The following C2CD3 variants were observed in gnomAD, a reference collection of about 807,000 sequenced individuals.
C2CD3 encodes C2 domain containing 3 centriole elongation regulator, also known as C2 domain-containing protein 3.
In C2CD3, 148 loss-of-function variants were observed where a neutral mutation model predicts 234.0. The ratio of observed to expected loss-of-function variants is 0.63; its 90% CI spans 0.55 to 0.72. The LOEUF (loss-of-function observed/expected upper bound fraction) is 0.72. Ranked by LOEUF, C2CD3 falls within the 30% of genes least tolerant of loss-of-function variation. The pLI, the probability that C2CD3 is intolerant of heterozygous loss-of-function variation, is 0.00. For synonymous variants in C2CD3, 1,000 were observed against 1,035.4 expected (o/e 0.97, Z 0.66); for missense variants, 2,577 against 2,811.5 (o/e 0.92, Z 1.89).
rs778658947 is a variant in C2CD3 at position 74,133,522 on chromosome 11, T to C, written c.991A>G (p.Met331Val). 1 of 1,614,068 alleles carries C rather than the reference T, an allele frequency of 6.2e-7. No individual in the cohort carries two copies. Among genetic ancestry groups the C allele is most frequent in the Non-Finnish European group, 8.5e-7 (1 of 1,179,942 alleles). The change falls in exon 6 of 33, where the codon ATG (methionine) becomes GTG (valine). Residue 331 changes from methionine (M) to valine (V), a missense_variant. Transcript: ENST00000334126. ...LEQGNKLRNAMVISAMKSSPE... is the reference protein window; with the variant it reads ...LEQGNKLRNAVVISAMKSSPE... ...CTTGATTTCATTGCAGAAATCACCA[T>C]GGCATTACGCAGTTTATTGCCTTGT...
intron 3 of C2CD3, among the ~76,000 whole-genome samples, chr11:74,153,228 A>AACAAG (rs1286435459): frequency 0.012 from 1,794 of 151,926 alleles, 38 homozygotes; most frequent in African/African-American, 0.041. Context: ...AACAAAACAA[A>AACAAG]ACAAAACAAA....
chr11:74,161,580 G>C (rs1856473560), intron 2 of C2CD3, 24 bp from the exon 3 acceptor site: 1 of 1,495,768 alleles, frequency 6.7e-7, no homozygotes, highest in Non-Finnish European at 9.0e-7. Context: ...ATTACAACAT[G>C]GATATTTTTC....
chr11:74,117,089 T>TATATATATATGA (rs1957015977), intron 9 of C2CD3, among the ~76,000 whole-genome samples: 3 of 30,168 alleles, frequency 9.9e-5, no homozygotes, highest in Non-Finnish European at 1.8e-4. Context: ...TATATATGAA[T>TATATATATATGA]ATATATATAT....
rs573145885 is a variant in C2CD3, at chr11:74,139,786, A to C, written c.526T>G (p.Tyr176Asp). The change falls in exon 4 of 33, where the codon TAC becomes GAC. Residue 176 changes from tyrosine to aspartate, a missense_variant. Transcript: ENST00000334126. ...LEPLSETYDSYHPLPTTDMTE... is the reference protein window; with the variant it reads ...LEPLSETYDSDHPLPTTDMTE... Reference sequence around the variant, plus strand: ...ATGTCAGTGGTAGGAAGTGGATGGTAGCTGTCGTAAGTTTCTGACAGAGGT... The same window carrying C: ...ATGTCAGTGGTAGGAAGTGGATGGTCGCTGTCGTAAGTTTCTGACAGAGGT... 1 of 1,613,716 alleles carries C rather than the reference A, an allele frequency of 6.2e-7. No individual in the cohort carries two copies. The highest frequency in any genetic ancestry group is 1.3e-5 in the African/African-American group (1 of 75,042).
Position 74,114,401 on chromosome 11 carries a change from C to T in C2CD3, c.1713G>A (p.Val571=). The change falls in exon 10 of 33, where the codon GTG becomes GTA. Residue 571 remains valine (V), a synonymous_variant. Transcript: ENST00000334126. The part of the protein sequence containing the change: ...KKSYAGPPPK[V]TTAKKRTFFV... Reference sequence around the variant, plus strand: ...AGACATACCGCTTTTTTGCTGTAGTCACCTTAGGTGGTGGACCAGCATAGC... The same window carrying T: ...AGACATACCGCTTTTTTGCTGTAGTTACCTTAGGTGGTGGACCAGCATAGC... 1 of 1,613,706 alleles carries T rather than the reference C, an allele frequency of 6.2e-7. No individual in the cohort carries two copies. The highest frequency in any genetic ancestry group is 8.5e-7 in the Non-Finnish European group (1 of 1,179,762).
intron 24 of C2CD3, among the ~76,000 whole-genome samples, chr11:74,069,700 T>G (rs943116406): frequency 6.6e-6 from 1 of 152,192 alleles, no homozygotes; most frequent in Non-Finnish European, 1.5e-5. Context: ...TACTTTAGAT[T>G]TTTTTCCATT....
Position 74,078,626 on chromosome 11 carries a change from C to A in C2CD3, c.4092G>T (p.Glu1364Asp). The change falls in exon 23 of 33, where the codon GAG (glutamate) becomes GAT (aspartate). Residue 1364 changes from glutamate to aspartate, a missense_variant. Glu to Asp is a conservative substitution (Grantham distance 45). Coordinates refer to ENST00000334126, the MANE Select transcript of C2CD3 (RefSeq NM_001286577.2). ...CACGATGCGTGAAGGAAATCGAAAG[C>A]TCCAGACCACCCACGATCTTCTGCA... ...ELMQKIVGGL[E>D]LSISFTHRGD... 1 of 1,614,222 alleles carries A rather than the reference C, an allele frequency of 6.2e-7. No individual in the cohort carries two copies. The highest frequency in any genetic ancestry group is 1.1e-5 in the South Asian group (1 of 91,084).
At chr11:74,153,743 A>G (rs1158093871) in intron 3 of C2CD3, among the ~76,000 whole-genome samples, 1 of 152,206 alleles carries the variant, frequency 6.6e-6, no homozygotes, top group Non-Finnish European at 1.5e-5. Context: ...AAAATTTTCA[A>G]TAAGAACAAA....
intron 3 of C2CD3, among the ~76,000 whole-genome samples, chr11:74,141,004 A>G (rs113321390): frequency 6.8e-4 from 104 of 152,334 alleles, no homozygotes; most frequent in African/African-American, 2.1e-3. Context: ...TAAGGAAGAA[A>G]GTGAAGGATA....
intron 30 of C2CD3, among the ~76,000 whole-genome samples, chr11:74,034,929 A>G (rs1277428477): frequency 6.6e-6 from 1 of 152,270 alleles, no homozygotes; most frequent in Non-Finnish European, 1.5e-5. Flanking sequence ...AGAATACACG[A>G]AAGAAATGGG....
intron 9 of C2CD3, 71 bp from the exon 10 acceptor site, chr11:74,114,664 G>T: frequency 1.0e-6 from 1 of 969,476 alleles, no homozygotes; most frequent in Non-Finnish European, 1.7e-6. Flanking sequence ...AGTTTGCACA[G>T]GCAAGATGAG....
At chr11:74,075,380 G>A (rs1343061264) in intron 23 of C2CD3, among the ~76,000 whole-genome samples, 1 of 151,862 alleles carries the variant, frequency 6.6e-6, no homozygotes, top group Non-Finnish European at 1.5e-5. Flanking sequence ...GGGGGGTGGG[G>A]GGAAGTAGGA....
intron 5 of C2CD3, 118 bp from the exon 6 acceptor site, chr11:74,133,675 A>G: frequency 9.8e-7 from 1 of 1,018,796 alleles, no homozygotes; most frequent in Non-Finnish European, 1.4e-6. Flanking sequence ...TAGTTTGCTC[A>G]TCTGCCTTCC....
At chr11:74,085,508 TTA>T (rs1955600489) in intron 21 of C2CD3, 108 bp downstream of exon 21, 11 of 1,095,790 alleles carry the variant, frequency 1.0e-5, no homozygotes, top group Non-Finnish European at 1.5e-5. Flanking sequence ...GTTGCAGAGA[TTA>T]TGACTCCTCA....
Position 74,126,508 on chromosome 11 carries a change from C to T in C2CD3, c.1218-3373G>A, listed in dbSNP as rs540512527. Among the ~76,000 whole-genome samples, 8 of 152,172 alleles carry T rather than the reference C, an allele frequency of 5.3e-5. No individual in the cohort carries two copies. In the East Asian group the frequency reaches 9.7e-4, roughly 18 times the overall value. On this transcript the variant is annotated intron_variant, in intron 7 of 32. Transcript: ENST00000334126. ...CTGTAATCCCAGCACTTTGGGAGGCCGAGGCCGGCGGAAGACTTGAGGTCA... is the reference window on the plus strand; with the variant it reads ...CTGTAATCCCAGCACTTTGGGAGGCTGAGGCCGGCGGAAGACTTGAGGTCA...
At chr11:74,077,750 A>G (rs1018464363) in intron 23 of C2CD3, among the ~76,000 whole-genome samples, 3 of 124,158 alleles carry the variant, frequency 2.4e-5, no homozygotes, top group African/African-American at 8.7e-5. Flanking sequence ...CACATTCTGC[A>G]CATGTACCCC....
At chr11:74,051,140 C>A (rs1953665458) in intron 26 of C2CD3, among the ~76,000 whole-genome samples, 1 of 150,734 alleles carries the variant, frequency 6.6e-6, no homozygotes, top group African/African-American at 2.5e-5. Flanking sequence ...CAAAACAAAA[C>A]AAAAAATTTG....
At chr11:74,019,617 G>A (rs1270373548) in intron 32 of C2CD3, among the ~76,000 whole-genome samples, 1 of 152,164 alleles carries the variant, frequency 6.6e-6, no homozygotes, top group Non-Finnish European at 1.5e-5. Context: ...GGAGAGCTGG[G>A]ATTCTCTACC....
intron 2 of C2CD3, among the ~76,000 whole-genome samples, chr11:74,163,401 TTGATA>T (rs1349184106): frequency 6.6e-6 from 1 of 152,344 alleles, no homozygotes; most frequent in African/African-American, 2.4e-5. Context: ...GTGTAACAAC[TTGATA>T]TGGTTTGGCT....
Sources: gnomAD v4.1 joint callset for allele counts (sites outside exome capture counted in the v4.1 genomes callset) on GRCh38, gnomAD v4.1.1 for gene constraint, MANE v1.5 for transcripts, NCBI Gene and HGNC (gene_info 2026-07-23, HGNC 2026-07-21) for gene names.